The following AFAP1L1 variants were observed in gnomAD, a reference collection of about 807,000 sequenced individuals.
AFAP1L1 encodes actin filament-associated protein 1-like 1.
In AFAP1L1, 77 loss-of-function variants were observed where a neutral mutation model predicts 99.8. The observed-to-expected ratio is 0.77, with a 90% CI of 0.64 to 0.93. The LOEUF is 0.93. AFAP1L1 is among the 40% of genes least tolerant of loss of function. The pLI, the probability that AFAP1L1 is intolerant of heterozygous loss-of-function variation, is 0.00. For missense variants in AFAP1L1, 893 were observed against 996.8 expected, an observed-to-expected ratio of 0.90 and a Z score of 1.40; for synonymous variants, 373 against 395.3, an observed-to-expected ratio of 0.94 and a Z score of 0.67.
intron 1 of AFAP1L1, among the ~76,000 whole-genome samples, chr5:149,272,746 A>G (rs926880727): frequency 6.6e-6 from 1 of 152,114 alleles, no homozygotes; most frequent in African/African-American, 2.4e-5. Context: ...CTTGTTGCCC[A>G]GGCTGGAGTG....
At chr5:149,323,139 T>C (rs1757002868) in intron 15 of AFAP1L1, among the ~76,000 whole-genome samples, 1 of 152,188 alleles carries the variant, frequency 6.6e-6, no homozygotes, top group South Asian at 2.1e-4. Context: ...TTTTTTAATT[T>C]AGCACCAAAT....
Position 149,271,918 on chromosome 5 carries a change from G to T in AFAP1L1, c.-51G>T. 8.2e-7 allele frequency: 1 copy of T among 1,212,826 alleles called. No individual in the cohort carries two copies. The highest frequency in any genetic ancestry group is 1.0e-6 in the Non-Finnish European group (1 of 974,946). The allele number at this position is 1,212,826 out of a possible 1,614,324, so 75.1% of individuals were successfully genotyped here. A position where few individuals can be genotyped will look rare whatever the true frequency, so the allele number is the denominator to read the frequency against. ...CAGCGCGCCGGCCGCTACCAGCCGC[G>T]CCGGAGCCCCTGCGCCCTGCGGCCC... On this transcript the variant is annotated 5_prime_UTR_variant, in exon 1 of 19. Transcript: ENST00000296721.
chr5:149,328,464 C>G (rs1377257816), intron 15 of AFAP1L1, among the ~76,000 whole-genome samples: 2 of 152,170 alleles, frequency 1.3e-5, no homozygotes, highest in Non-Finnish European at 2.9e-5. Flanking sequence ...GCAGTGGGAC[C>G]TAACCTCTGT....
At chr5:149,278,236 C>T (rs1755400935) in intron 1 of AFAP1L1, among the ~76,000 whole-genome samples, 1 of 152,060 alleles carries the variant, frequency 6.6e-6, no homozygotes, top group Non-Finnish European at 1.5e-5. Context: ...GCATTTTCCT[C>T]CTTCCTTTCC....
Position 149,298,930 on chromosome 5 carries a change from A to G in AFAP1L1, c.17-579A>G, listed in dbSNP as rs530068924. Reference sequence around the variant, plus strand: ...ATTCTTACACACACTCAAGTTTGAGAAGCATTGGTGTCACGTGGAAAGAAA... The same window carrying G: ...ATTCTTACACACACTCAAGTTTGAGGAGCATTGGTGTCACGTGGAAAGAAA... On this transcript the variant is annotated intron_variant, in intron 1 of 18. Transcript: ENST00000296721. Among the ~76,000 whole-genome samples the G allele has an allele frequency of 7.5e-4, 115 of 152,338 alleles. 1 individual carries two copies. In the South Asian group the frequency reaches 0.023, roughly 31 times the overall value.
intron 18 of AFAP1L1, among the ~76,000 whole-genome samples, chr5:149,337,092 C>T (rs1031318280): frequency 3.9e-5 from 6 of 152,010 alleles, no homozygotes; most frequent in African/African-American, 1.2e-4. Flanking sequence ...TAAAATTAAT[C>T]TTTATTAATT....
chr5:149,309,454 G>A (rs1233668685), intron 7 of AFAP1L1, among the ~76,000 whole-genome samples: 1 of 152,068 alleles, frequency 6.6e-6, no homozygotes, highest in Non-Finnish European at 1.5e-5. Flanking sequence ...TGGGTTATGA[G>A]AGAAATTAGC....
intron 4 of AFAP1L1, among the ~76,000 whole-genome samples, chr5:149,301,896 C>T (rs956154535): frequency 1.3e-5 from 2 of 152,218 alleles, no homozygotes; most frequent in Non-Finnish European, 2.9e-5. Flanking sequence ...CAATTGTTAT[C>T]CCCATTTTAC....
At chr5:149,282,782 T>C (rs1755561335) in intron 1 of AFAP1L1, among the ~76,000 whole-genome samples, 1 of 152,164 alleles carries the variant, frequency 6.6e-6, no homozygotes, top group Non-Finnish European at 1.5e-5. Flanking sequence ...TGGAGCACTG[T>C]GGTGAGAAGG....
chr5:149,305,878 C>CCACACACA (rs56036411), intron 5 of AFAP1L1, among the ~76,000 whole-genome samples: 2,092 of 142,534 alleles, frequency 0.015, 22 homozygotes, highest in East Asian at 0.036. Context: ...GACCAACACA[C>CCACACACA]CACACACACA....
At chr5:149,301,341 G>GTC in intron 4 of AFAP1L1, 111 bp downstream of exon 4, 1 of 930,098 alleles carries the variant, frequency 1.1e-6, no homozygotes, top group Non-Finnish European at 1.7e-6. Flanking sequence ...GGACCCTGTT[G>GTC]TCTCTCTCGG....
At chr5:149,316,635 G>T (rs920660605) in intron 11 of AFAP1L1, among the ~76,000 whole-genome samples, 10 of 152,152 alleles carry the variant, frequency 6.6e-5, no homozygotes, top group Admixed American at 1.3e-4. Context: ...TTATTTTCCA[G>T]CATAGAACGT....
At chr5:149,322,995 C>T (rs1047977144) in intron 15 of AFAP1L1, among the ~76,000 whole-genome samples, 11 of 152,314 alleles carry the variant, frequency 7.2e-5, no homozygotes, top group African/African-American at 2.4e-4. Context: ...GGGGAGGCTG[C>T]TGCTCAGCTC....
At chr5:149,316,428 A>C in intron 11 of AFAP1L1, 125 bp downstream of exon 11, 3 of 1,191,234 alleles carry the variant, frequency 2.5e-6, no homozygotes, top group Middle Eastern at 2.9e-4. Flanking sequence ...ATCCAAGCCT[A>C]CTGGGAGGCT....
At chr5:149,318,716 A>G (rs921164400) in intron 12 of AFAP1L1, among the ~76,000 whole-genome samples, 2 of 152,234 alleles carry the variant, frequency 1.3e-5, no homozygotes, top group African/African-American at 4.8e-5. Context: ...TCTCTTCCAC[A>G]TGGCAACCCT....
chr5:149,280,908 T>C (rs968752279), intron 1 of AFAP1L1, among the ~76,000 whole-genome samples: 1 of 152,080 alleles, frequency 6.6e-6, no homozygotes, highest in Admixed American at 6.5e-5. Flanking sequence ...AGAATGGAAA[T>C]GGATCTGGAC....
Position 149,343,101 on chromosome 5 carries a change from C to T in AFAP1L1, c.*3071C>T, listed in dbSNP as rs1757602780. Among the ~76,000 whole-genome samples the T allele has an allele frequency of 6.6e-6, 1 of 152,050 alleles. No individual in the cohort carries two copies. Among genetic ancestry groups the T allele is most frequent in the South Asian group, 2.1e-4 (1 of 4,814 alleles). On this transcript the variant is annotated 3_prime_UTR_variant, in exon 19 of 19. Coordinates refer to ENST00000296721, the MANE Select transcript of AFAP1L1 (RefSeq NM_152406.4). The stretch of plus-strand genomic sequence containing the variant: ...ATGTAAAAGAGAATCATAATACCTC[C>T]CTAAACCATATCACCCTTTTCATAA...
At position 149,301,154 on chromosome 5, in the gene AFAP1L1, G is replaced by A. The variant is rs61734415; in HGVS notation, c.251G>A (p.Arg84Gln). Reference protein sequence around the residue: ...EEFDCDLSDLRDMPEDDGEPS... With the variant: ...EEFDCDLSDLQDMPEDDGEPS... ...GTAGACTGTGACCTGAGTGACCTTC[G>A]GGACATGCCAGAGGATGATGGGGAG... Residue 84 changes from arginine to glutamine, a missense_variant, in exon 4 of 19, where the codon CGG (arginine) becomes CAG (glutamine). Physicochemically the swap from Arg to Gln is conservative, Grantham distance 43. Coordinates refer to ENST00000296721, the MANE Select transcript of AFAP1L1 (RefSeq NM_152406.4). The A allele has an allele frequency of 0.042, 67,275 of 1,613,806 alleles. 1,728 individuals carry two copies. Among genetic ancestry groups the A allele is most frequent in the Non-Finnish European group, 0.05 (59,571 of 1,179,788 alleles).
Position 149,273,467 on chromosome 5 carries a change from T to C in AFAP1L1, c.16+1483T>C, listed in dbSNP as rs570667432. Among the ~76,000 whole-genome samples the C allele has an allele frequency of 1.2e-4, 19 of 152,100 alleles. No individual in the cohort carries two copies. In the South Asian group the frequency reaches 3.9e-3, roughly 32 times the overall value. On this transcript the variant is annotated intron_variant, in intron 1 of 18. Coordinates refer to ENST00000296721, the MANE Select transcript of AFAP1L1 (RefSeq NM_152406.4). The stretch of plus-strand genomic sequence containing the variant: ...GCGAGCTCAGAGGGCCAGAGGGGAC[T>C]CCTGGCTTCCAGTTCAACCTCCTCA...
Sources: gnomAD v4.1 joint callset for allele counts (sites outside exome capture counted in the v4.1 genomes callset) on GRCh38, gnomAD v4.1.1 for gene constraint, MANE v1.5 for transcripts, NCBI Gene and HGNC (gene_info 2026-07-23, HGNC 2026-07-21) for gene names.